ADAM28: variants seen among roughly 807,000 people sequenced by gnomAD.
ADAM28 encodes disintegrin and metalloproteinase domain-containing protein 28.
A neutral mutation model predicts 101.2 loss-of-function variants in ADAM28; 105 were observed. The ratio of observed to expected loss-of-function variants is 1.04; its 90% CI spans 0.89 to 1.22. The LOEUF (loss-of-function observed/expected upper bound fraction) is 1.22, where lower values mean the gene tolerates loss of function less well. Ranked by LOEUF, ADAM28 falls within the 50% of genes most tolerant of loss-of-function variation. The pLI, the probability that ADAM28 is intolerant of heterozygous loss-of-function variation, is 0.00. For synonymous variants in ADAM28, 322 were observed against 310.6 expected, an observed-to-expected ratio of 1.04 and a Z score of -0.39; for missense variants, 1,028 against 945.4, an observed-to-expected ratio of 1.09 and a Z score of -1.15.
intron 13 of ADAM28, among the ~76,000 whole-genome samples, chr8:24,333,328 C>T (rs1255167729): frequency 1.3e-5 from 2 of 151,988 alleles, no homozygotes. Flanking sequence ...AGTGTTCTCA[C>T]CACACACACA....
In ADAM28 at chr8:24,354,508, G is replaced by T. The variant is rs1816544192; in HGVS notation, c.*104G>T. The T allele has an allele frequency of 1.0e-5, 14 of 1,357,530 alleles. No individual in the cohort carries two copies. The South Asian group carries it at 1.8e-4, about 18-fold the overall frequency. 84.1% of individuals were successfully genotyped at this position (1,357,530 alleles called of 1,614,324 possible). A position where few individuals can be genotyped will look rare whatever the true frequency, so the allele number is the denominator to read the frequency against. On this transcript the variant is annotated 3_prime_UTR_variant, in exon 23 of 23. Transcript: ENST00000265769. ...ATCTATCTCACCAGTATTTGCTCTC[G>T]ACTCAAGAAGGTTAACATTTTCTGA...
At chr8:24,315,917 A>G (rs1811102402) in intron 6 of ADAM28, among the ~76,000 whole-genome samples, 1 of 152,008 alleles carries the variant, frequency 6.6e-6, no homozygotes, top group Non-Finnish European at 1.5e-5. Flanking sequence ...ATACATGATC[A>G]TATCAATTGG....
chr8:24,323,816 TTTA>T lies in ADAM28; in HGVS notation c.721-15_721-13del. ...ACCATTATAATTAATTGCTTTGCCA[TTTA>T]TTTTCTTTGGACAGCTTTATAAAAA... On this transcript the variant is annotated splice_polypyrimidine_tract_variant and intron_variant, in intron 8 of 22. Transcript: ENST00000265769. 1 of 1,590,550 alleles carries T rather than the reference TTTA, an allele frequency of 6.3e-7. No homozygotes were observed. Among genetic ancestry groups the T allele is most frequent in the Non-Finnish European group, 8.6e-7 (1 of 1,169,078 alleles).
chr8:24,329,869 T>TTG (rs377486317), intron 10 of ADAM28, 116 bp from the exon 11 acceptor site: 30 of 508,216 alleles, frequency 5.9e-5, no homozygotes, highest in African/African-American at 1.6e-4. Flanking sequence ...GTGTGTGTGT[T>TTG]TGTGTGTGTG....
In ADAM28 at chr8:24,341,562, T is replaced by G. The variant is rs1289622862; in HGVS notation, c.1671-36T>G. 3 of 1,598,278 alleles carry G rather than the reference T, an allele frequency of 1.9e-6. No homozygotes were observed. The South Asian group carries it at 3.4e-5, about 18-fold the overall frequency. ...CTAGAGCATTTATGTAAAACTGCAA[T>G]TTGAATCCTGCAATACATTTTGGCT... On this transcript the variant is annotated intron_variant, in intron 15 of 22. Coordinates refer to ENST00000265769, the MANE Select transcript of ADAM28 (RefSeq NM_014265.6).
At chr8:24,310,380 T>A in intron 4 of ADAM28, 139 bp downstream of exon 4, 1 of 729,882 alleles carries the variant, frequency 1.4e-6, no homozygotes. Context: ...TTACTTAAAA[T>A]ATAAAAAAAA....
chr8:24,315,164 A>T (rs1810998971), intron 6 of ADAM28, among the ~76,000 whole-genome samples: 2 of 151,970 alleles, frequency 1.3e-5, no homozygotes, highest in South Asian at 4.1e-4. Flanking sequence ...ACAAGATCTG[A>T]CTATATGCTG....
chr8:24,310,152 T>C lies in ADAM28; in HGVS notation c.228-11T>C. ...CAAGTAACCACAACATTTTTGTGTTTCTTTCTCCAGGAACCTCCTTGCACC... is the reference window on the plus strand; with the variant it reads ...CAAGTAACCACAACATTTTTGTGTTCCTTTCTCCAGGAACCTCCTTGCACC... On this transcript the variant is annotated splice_polypyrimidine_tract_variant and intron_variant, in intron 3 of 22. Transcript: ENST00000265769. The C allele has an allele frequency of 6.2e-7, 1 of 1,612,884 alleles. No individual in the cohort carries two copies.
Position 24,313,225 on chromosome 8 carries a change from A to G in ADAM28, c.384-163A>G, listed in dbSNP as rs111534520. 1.6e-3 allele frequency among the ~76,000 whole-genome samples: 242 copies of G among 152,296 alleles called. 1 individual carries two copies. The highest frequency in any genetic ancestry group is 5.6e-3 in the African/African-American group (231 of 41,574). On this transcript the variant is annotated intron_variant, in intron 5 of 22. Coordinates refer to ENST00000265769, the MANE Select transcript of ADAM28 (RefSeq NM_014265.6). Reference sequence around the variant, plus strand: ...AGAAAATAAGTTTAGATAATCTTCAAGGTATCTTCAGCTGTAAGTTTTACT... The same window carrying G: ...AGAAAATAAGTTTAGATAATCTTCAGGGTATCTTCAGCTGTAAGTTTTACT...
chr8:24,335,463 G>A lies in ADAM28; in HGVS notation c.1389G>A (p.Met463Ile). 6.2e-7 allele frequency: 1 copy of A among 1,612,334 alleles called. No individual in the cohort carries two copies. Among genetic ancestry groups the A allele is most frequent in the Non-Finnish European group, 8.5e-7 (1 of 1,179,144 alleles). ...CEKCQFKKAG[M>I]VCRPAKDECD... is the part of the protein sequence containing the mutation. ...TTCTACAGTTTAAAAAGGCTGGGATGGTGTGCAGACCAGCAAAAGATGAGT... is the reference window on the plus strand; with the variant it reads ...TTCTACAGTTTAAAAAGGCTGGGATAGTGTGCAGACCAGCAAAAGATGAGT... Residue 463 changes from methionine (M) to isoleucine (I), a missense_variant, in exon 14 of 23, where the codon ATG (methionine) becomes ATA (isoleucine). By Grantham distance (10) the Met-to-Ile change is conservative. Transcript: ENST00000265769.
chr8:24,326,539 A>T lies in ADAM28; in HGVS notation c.891-15A>T, dbSNP rs1456284397. The stretch of plus-strand genomic sequence containing the variant: ...GCATTATAATTTGTTACATCAATTT[A>T]TTCCTTTCTTGCAGAGCAACAGAAC... On this transcript the variant is annotated splice_polypyrimidine_tract_variant and intron_variant, in intron 9 of 22. Coordinates refer to ENST00000265769, the MANE Select transcript of ADAM28 (RefSeq NM_014265.6). 1.2e-6 allele frequency: 2 copies of T among 1,609,058 alleles called. No individual in the cohort carries two copies. Among genetic ancestry groups the T allele is most frequent in the Middle Eastern group, 1.7e-4 (1 of 6,058 alleles).
chr8:24,335,371 ATT>A, intron 13 of ADAM28, 73 bp from the exon 14 acceptor site: 8 of 1,459,832 alleles, frequency 5.5e-6, no homozygotes, highest in Non-Finnish European at 7.2e-6. Context: ...AATGGAAAAT[ATT>A]TGTGTTAATT....
Position 24,352,025 on chromosome 8 carries a change from A to G in ADAM28, c.2217A>G (p.Val739=). Residue 739 remains valine, a synonymous_variant, in exon 21 of 23, where the codon GTA becomes GTG. Transcript: ENST00000265769. The stretch of plus-strand genomic sequence containing the variant: ...AGCCCCATGTGTATGATCTGCCAGT[A>G]GAAGGCAATGAGCCCCCAGCCTCTT... ...QMKPHVYDLP[V]EGNEPPASFH... is the part of the protein sequence containing the mutation. The G allele has an allele frequency of 6.2e-7, 1 of 1,613,838 alleles. No individual in the cohort carries two copies. Among genetic ancestry groups the G allele is most frequent in the East Asian group, 2.2e-5 (1 of 44,864 alleles).
intron 2 of ADAM28, chr8:24,308,730 AC>A (rs1810034717): frequency 2.2e-6 from 1 of 456,118 alleles, no homozygotes; most frequent in Admixed American, 2.4e-5. Flanking sequence ...GGGATTACTG[AC>A]AGCAGAGCAG....
chr8:24,304,078 C>T (rs1809215636), intron 2 of ADAM28, among the ~76,000 whole-genome samples: 1 of 151,564 alleles, frequency 6.6e-6, no homozygotes, highest in Non-Finnish European at 1.5e-5. Context: ...CCTTTTTTCA[C>T]TGAACATTTT....
chr8:24,296,268 A>C (rs561397186), intron 1 of ADAM28: 124 of 152,316 alleles, frequency 8.1e-4, no homozygotes, highest in African/African-American at 2.8e-3. Context: ...GAAAATATAC[A>C]GTTTAATCTA....
Position 24,341,613 on chromosome 8 carries a change from G to C in ADAM28, c.1686G>C (p.Gly562=). Residue 562 remains glycine, a synonymous_variant, in exon 16 of 23, where the codon GGG becomes GGC. Coordinates refer to ENST00000265769, the MANE Select transcript of ADAM28 (RefSeq NM_014265.6). The stretch of plus-strand genomic sequence containing the variant: ...TTTTCCTCAGTGATACCATGTGTGG[G>C]AAGTTGTTCTGTCAAGGTGGGTCGG... ...IPCKANDTMC[G]KLFCQGGSDN... is the part of the protein sequence containing the mutation. The C allele has an allele frequency of 6.2e-7, 1 of 1,613,210 alleles. No individual in the cohort carries two copies. The highest frequency in any genetic ancestry group is 8.5e-7 in the Non-Finnish European group (1 of 1,179,512).
At chr8:24,299,628 T>G (rs1370842165) in intron 1 of ADAM28, among the ~76,000 whole-genome samples, 1 of 152,228 alleles carries the variant, frequency 6.6e-6, no homozygotes. Context: ...TTCGCTTCTA[T>G]CTTCACTTCT....
intron 20 of ADAM28, 129 bp downstream of exon 20, chr8:24,351,439 C>T (rs1214556856): frequency 1.0e-6 from 1 of 1,003,510 alleles, no homozygotes; most frequent in Non-Finnish European, 1.6e-6. Flanking sequence ...GAAATGTCTC[C>T]TTTGCCTTTT....
Sources: gnomAD v4.1 joint callset for allele counts (sites outside exome capture counted in the v4.1 genomes callset) on GRCh38, gnomAD v4.1.1 for gene constraint, MANE v1.5 for transcripts, NCBI Gene and HGNC (gene_info 2026-07-23, HGNC 2026-07-21) for gene names.